Variants in POLR2B observed in about 807,000 individuals in gnomAD.
The protein encoded by POLR2B is RNA polymerase II subunit B.
In POLR2B, 57 loss-of-function variants were observed where a neutral mutation model predicts 144.6. The observed-to-expected ratio is 0.39, with a 90% CI of 0.32 to 0.49. The LOEUF is 0.49. POLR2B is among the 20% of genes least tolerant of loss of function. The probability of loss-of-function intolerance (pLI) is 0.83; values close to 1 mark genes in which losing one functional copy is unlikely to be tolerated. For missense variants in POLR2B, 595 were observed against 1,467.4 expected (o/e 0.41, Z 9.71); for synonymous variants, 442 against 469.8 (o/e 0.94, Z 0.77).
chr4:57,030,165 A>C lies in POLR2B; in HGVS notation c.3240-39A>C, dbSNP rs745667727. 9.2e-6 allele frequency: 14 copies of C among 1,522,620 alleles called. No individual in the cohort carries two copies. In the South Asian group the frequency reaches 1.3e-4, roughly 14 times the overall value. 94.3% of individuals were successfully genotyped at this position (1,522,620 alleles called of 1,614,324 possible). On this transcript the variant is annotated intron_variant, in intron 23 of 24. Transcript: ENST00000314595. ...ATTATTCAAGGCGGTGTTTATAATA[A>C]AAAATAAGTACAAAGTAATAATTTT...
At chr4:57,025,187 G>T (rs2109719897) in intron 22 of POLR2B, among the ~76,000 whole-genome samples, 188 bp downstream of exon 22, 1 of 152,226 alleles carries the variant, frequency 6.6e-6, no homozygotes, top group African/African-American at 2.4e-5. Context: ...TGTGAAGGTA[G>T]CGACTGAACC....
At chr4:56,984,472 T>C (rs1234598799) in intron 1 of POLR2B, among the ~76,000 whole-genome samples, 3 of 152,200 alleles carry the variant, frequency 2.0e-5, no homozygotes, top group Admixed American at 2.0e-4. Flanking sequence ...TATTCATATA[T>C]GTGTGCCTAC....
Position 57,017,825 on chromosome 4 carries a change from G to A in POLR2B, c.2323+97G>A, listed in dbSNP as rs561850427. On this transcript the variant is annotated intron_variant, in intron 16 of 24. Transcript: ENST00000314595. The surrounding 1 kb of genome is among the most constrained non-coding windows in gnomAD (Gnocchi z 4.8). The stretch of plus-strand genomic sequence containing the variant: ...GATTAAAAAATAAATATGACATAGT[G>A]CCTGTTCTCACGGAATTTATAATAT... The A allele has an allele frequency of 3.5e-4, 256 of 729,754 alleles. No individual in the cohort carries two copies. In the African/African-American group the frequency reaches 4.0e-3, roughly 11 times the overall value. 45.2% of individuals were successfully genotyped at this position (729,754 alleles called of 1,614,324 possible). A position where few individuals can be genotyped will look rare whatever the true frequency, so the allele number is the denominator to read the frequency against.
Position 56,995,242 on chromosome 4 carries a change from T to A in POLR2B, c.577-9T>A, listed in dbSNP as rs754996406. 1 of 1,598,362 alleles carries A rather than the reference T, an allele frequency of 6.3e-7. No homozygotes were observed. Among genetic ancestry groups the A allele is most frequent in the African/African-American group, 1.3e-5 (1 of 74,728 alleles). ...TTTTATGGCTGTAACTTTCTTATTG[T>A]CCAAATAGGTTCTGATTGCCCAAGA... is the stretch of plus-strand genomic sequence containing the variant. On this transcript the variant is annotated splice_polypyrimidine_tract_variant and intron_variant, in intron 5 of 24. Transcript: ENST00000314595.
At chr4:57,011,903 T>G (rs1366668288) in intron 13 of POLR2B, among the ~76,000 whole-genome samples, 1 of 152,218 alleles carries the variant, frequency 6.6e-6, no homozygotes, top group Non-Finnish European at 1.5e-5. Flanking sequence ...TTAAATTATA[T>G]TTTAGAACTC....
At chr4:57,015,169 T>A (rs1322349294) in intron 13 of POLR2B, among the ~76,000 whole-genome samples, 1 of 152,186 alleles carries the variant, frequency 6.6e-6, no homozygotes, top group Non-Finnish European at 1.5e-5. Context: ...CAGGGTGAGA[T>A]ATATGTCATC....
chr4:56,983,133 A>T (rs903356451), intron 1 of POLR2B, among the ~76,000 whole-genome samples: 1 of 152,136 alleles, frequency 6.6e-6, no homozygotes, highest in African/African-American at 2.4e-5. Context: ...CAACCCTGCT[A>T]AACTCATATC....
rs200746235 is a variant in POLR2B, at chr4:56,986,313, G to A, written c.20-41G>A. On this transcript the variant is annotated intron_variant, in intron 1 of 24. Transcript: ENST00000314595. ...ATAGGAGCAAGATGTTAACTAAGTG[G>A]CATCTCATTGCAAATGAGTACAATA... is the stretch of plus-strand genomic sequence containing the variant. The A allele has an allele frequency of 2.3e-3, 2,487 of 1,091,524 alleles. 4 individuals are homozygous for A. The highest frequency in any genetic ancestry group is 3.0e-3 in the Non-Finnish European group (2,133 of 703,008). 67.6% of individuals were successfully genotyped at this position (1,091,524 alleles called of 1,614,324 possible).
chr4:56,983,870 CT>C (rs371798004), intron 1 of POLR2B, among the ~76,000 whole-genome samples: 20,668 of 139,888 alleles, frequency 0.15, 1,657 homozygotes, highest in East Asian at 0.39. Flanking sequence ...ATTCATATCA[CT>C]TTTTTTTTTT....
chr4:57,013,360 A>G (rs1723257310), intron 13 of POLR2B, among the ~76,000 whole-genome samples: 1 of 151,654 alleles, frequency 6.6e-6, no homozygotes, highest in Non-Finnish European at 1.5e-5. Context: ...AGGCTAAGAG[A>G]AAGCTCAAAA....
intron 1 of POLR2B, 117 bp from the exon 2 acceptor site, chr4:56,986,237 A>C: frequency 1.3e-6 from 1 of 769,348 alleles, no homozygotes. Context: ...AAGTGGGGTG[A>C]AAGCATTACT....
At chr4:56,994,348 A>T in intron 3 of POLR2B, 56 bp from the exon 4 acceptor site, 1 of 925,456 alleles carries the variant, frequency 1.1e-6, no homozygotes, top group Non-Finnish European at 1.7e-6. Context: ...TGGAATCACT[A>T]AAACTTTTAT....
At chr4:57,030,118 A>G (rs1303777327) in intron 23 of POLR2B, 86 bp from the exon 24 acceptor site, 2 of 1,092,036 alleles carry the variant, frequency 1.8e-6, no homozygotes, top group South Asian at 1.4e-5. Flanking sequence ...CGTCTTTGCA[A>G]ATATTATTCT....
At chr4:57,027,758 T>C (rs1723771940) in intron 23 of POLR2B, among the ~76,000 whole-genome samples, 1 of 152,256 alleles carries the variant, frequency 6.6e-6, no homozygotes, top group Non-Finnish European at 1.5e-5. Context: ...GATGTATCTT[T>C]TACACATGCA....
Position 56,986,382 on chromosome 4 carries a change from A to G in POLR2B, c.48A>G (p.Glu16=), listed in dbSNP as rs138974682. 65 of 1,612,530 alleles carry G rather than the reference A, an allele frequency of 4.0e-5. No individual in the cohort carries two copies. In the African/African-American group the frequency reaches 7.5e-4, roughly 19 times the overall value. Residue 16 remains glutamate (E), a synonymous_variant, in exon 2 of 25, where the codon GAA becomes GAG. Transcript: ENST00000314595. Reference sequence around the variant, plus strand: ...TGCAATATGATGAGGATGATGATGAAATCACCCCGGATTTGTGGCAAGAAG... The same window carrying G: ...TGCAATATGATGAGGATGATGATGAGATCACCCCGGATTTGTGGCAAGAAG... The part of the protein sequence containing the change: ...EDMQYDEDDD[E]ITPDLWQEAC...
chr4:57,008,735 GAGGTAAC>G (rs1462077640), intron 10 of POLR2B, among the ~76,000 whole-genome samples: 1 of 152,218 alleles, frequency 6.6e-6, no homozygotes, highest in African/African-American at 2.4e-5. Flanking sequence ...CCTTGTTTAG[GAGGTAAC>G]ACCTGAACTG....
intron 8 of POLR2B, 34 bp from the exon 9 acceptor site, chr4:57,005,566 C>T (rs1274664428): frequency 4.6e-6 from 7 of 1,528,688 alleles, no homozygotes; most frequent in South Asian, 1.3e-5. Context: ...TAAGTGTTTT[C>T]CCTCTTTCTT....
chr4:56,996,856 TG>T, intron 6 of POLR2B, among the ~76,000 whole-genome samples: 1 of 152,070 alleles, frequency 6.6e-6, no homozygotes, highest in East Asian at 1.9e-4. Context: ...GAGGCTGAGG[TG>T]GGTGGATTGC....
rs750297904 is a variant in POLR2B at position 57,015,491 on chromosome 4, T to C, written c.1801-11T>C. Reference sequence around the variant, plus strand: ...AAAATTTGTGGAACTGTTTTTTCTTTTTATATGTAGGTTTCTATGATCAGA... The same window carrying C: ...AAAATTTGTGGAACTGTTTTTTCTTCTTATATGTAGGTTTCTATGATCAGA... On this transcript the variant is annotated splice_polypyrimidine_tract_variant and intron_variant, in intron 13 of 24. Transcript: ENST00000314595. 2.3e-6 allele frequency: 3 copies of C among 1,331,780 alleles called. No homozygotes were observed. The highest frequency in any genetic ancestry group is 2.2e-5 in the South Asian group (1 of 44,504). 82.5% of individuals were successfully genotyped at this position (1,331,780 alleles called of 1,614,324 possible). A position where few individuals can be genotyped will look rare whatever the true frequency, so the allele number is the denominator to read the frequency against.
Sources: gnomAD v4.1 joint callset for allele counts (sites outside exome capture counted in the v4.1 genomes callset) on GRCh38, gnomAD v4.1.1 for gene constraint, Gnocchi (gnomAD v3.1) non-coding constraint, MANE v1.5 for transcripts, NCBI Gene and HGNC (gene_info 2026-07-23, HGNC 2026-07-21) for gene names.